The following CARMIL1 variants were observed in gnomAD, a reference collection of about 807,000 sequenced individuals.
CARMIL1 encodes F-actin-uncapping protein LRRC16A.
In CARMIL1, 90 loss-of-function variants were observed where a neutral mutation model predicts 177.1. That is an observed-to-expected ratio of 0.51 (90% CI 0.43 to 0.61). The LOEUF is 0.61. Ranked by LOEUF, CARMIL1 falls within the 20% of genes least tolerant of loss-of-function variation. The probability of loss-of-function intolerance (pLI) is 0.00; values close to 1 mark genes in which losing one functional copy is unlikely to be tolerated. For synonymous variants in CARMIL1, 577 were observed against 606.2 expected (o/e 0.95, Z 0.71); for missense variants, 1,380 against 1,667.0 (o/e 0.83, Z 3.00).
chr6:25,457,177 C>A (rs141766523), intron 8 of CARMIL1, among the ~76,000 whole-genome samples: 26 of 151,950 alleles, frequency 1.7e-4, no homozygotes, highest in African/African-American at 6.0e-4. Flanking sequence ...GGGGATGTGA[C>A]GTTAATAGTA....
intron 26 of CARMIL1, among the ~76,000 whole-genome samples, chr6:25,540,987 C>T (rs950118353): frequency 2.0e-4 from 31 of 152,086 alleles, no homozygotes; most frequent in Non-Finnish European, 1.6e-4. Flanking sequence ...TATTTAATCA[C>T]GGTTGTTTTG....
At chr6:25,619,389 A>C in intron 36 of CARMIL1, 58 bp from the exon 37 acceptor site, 1 of 1,539,480 alleles carries the variant, frequency 6.5e-7, no homozygotes, top group Non-Finnish European at 8.7e-7. Flanking sequence ...GCCCATTATC[A>C]GTCAGGCCAC....
chr6:25,602,149 A>T (rs1487090756), intron 33 of CARMIL1, among the ~76,000 whole-genome samples: 2 of 152,184 alleles, frequency 1.3e-5, no homozygotes, highest in African/African-American at 4.8e-5. Flanking sequence ...TCTCCCACCA[A>T]CATCAACATT....
chr6:25,399,885 C>T (rs1793741033), intron 2 of CARMIL1, among the ~76,000 whole-genome samples: 1 of 152,188 alleles, frequency 6.6e-6, no homozygotes, highest in Non-Finnish European at 1.5e-5. Context: ...GTTAGCTAGG[C>T]TGTGTGCTAA....
At chr6:25,293,241 C>A (rs1414694864) in intron 2 of CARMIL1, among the ~76,000 whole-genome samples, 1 of 137,864 alleles carries the variant, frequency 7.3e-6, no homozygotes, top group African/African-American at 2.7e-5. Context: ...GAAAGAGGGG[C>A]AAAGAGGGGA....
intron 8 of CARMIL1, chr6:25,451,988 C>CCA: frequency 1.5e-5 from 1 of 68,728 alleles, no homozygotes; most frequent in Non-Finnish European, 3.0e-5. Context: ...AGCATCTTGC[C>CCA]CCCCCCTCCC....
chr6:25,324,072 C>T (rs1784886222), intron 2 of CARMIL1, among the ~76,000 whole-genome samples: 2 of 152,202 alleles, frequency 1.3e-5, no homozygotes, highest in Non-Finnish European at 2.9e-5. Flanking sequence ...GAGCCCATGG[C>T]TCAGATAATA....
chr6:25,291,125 A>G (rs2150143499), intron 2 of CARMIL1, among the ~76,000 whole-genome samples: 1 of 152,300 alleles, frequency 6.6e-6, no homozygotes, highest in Admixed American at 6.5e-5. Flanking sequence ...AATCCCTTTA[A>G]CATATTTTTT....
At chr6:25,417,257 A>G (rs1795439365) in intron 2 of CARMIL1, among the ~76,000 whole-genome samples, 2 of 152,228 alleles carry the variant, frequency 1.3e-5, no homozygotes, top group South Asian at 4.2e-4. Context: ...GTGCAAGCCA[A>G]GCGTATCTCT....
At position 25,491,829 on chromosome 6, in the gene CARMIL1, A is replaced by G; in HGVS notation, c.1143+20A>G. The G allele has an allele frequency of 6.4e-7, 1 of 1,552,902 alleles. No individual in the cohort carries two copies. Among genetic ancestry groups the G allele is most frequent in the Non-Finnish European group, 8.8e-7 (1 of 1,138,984 alleles). On this transcript the variant is annotated intron_variant, in intron 14 of 36. Transcript: ENST00000329474. Reference sequence around the variant, plus strand: ...GACATGGTAAATTTAAAATATATATATATCTTGCTCTGAGGGGTCTCAGAA... The same window carrying G: ...GACATGGTAAATTTAAAATATATATGTATCTTGCTCTGAGGGGTCTCAGAA...
chr6:25,460,552 C>T (rs569461669), intron 8 of CARMIL1, among the ~76,000 whole-genome samples: 1 of 152,258 alleles, frequency 6.6e-6, no homozygotes, highest in African/African-American at 2.4e-5. Flanking sequence ...TTACATAAAG[C>T]GTTTGCTGAA....
chr6:25,400,435 C>T (rs558872509), intron 2 of CARMIL1, among the ~76,000 whole-genome samples: 90 of 152,202 alleles, frequency 5.9e-4, no homozygotes, highest in Admixed American at 9.8e-4. Flanking sequence ...ATGAGTTTCC[C>T]AGGGAATCAG....
chr6:25,468,497 T>A lies in CARMIL1; in HGVS notation c.690+2549T>A, dbSNP rs578228053. 2.2e-3 allele frequency among the ~76,000 whole-genome samples: 339 copies of A among 152,380 alleles called. 2 individuals are homozygous for A. The highest frequency in any genetic ancestry group is 0.01 in the Middle Eastern group (3 of 294). Reference sequence around the variant, plus strand: ...TTGTTGTTTACATTCCATTTTTAACTGAGTGCAAGCTCCTGGAGAGCCACT... The same window carrying A: ...TTGTTGTTTACATTCCATTTTTAACAGAGTGCAAGCTCCTGGAGAGCCACT... On this transcript the variant is annotated intron_variant, in intron 9 of 36. Transcript: ENST00000329474.
intron 2 of CARMIL1, among the ~76,000 whole-genome samples, chr6:25,335,752 C>T (rs570706266): frequency 4.8e-4 from 73 of 152,346 alleles, no homozygotes; most frequent in African/African-American, 1.5e-3. Flanking sequence ...GCAGGGTGGG[C>T]GCTAAAGCCT....
At chr6:25,605,981 A>G in intron 34 of CARMIL1, 80 bp from the exon 35 acceptor site, 1 of 878,056 alleles carries the variant, frequency 1.1e-6, no homozygotes, top group Non-Finnish European at 1.8e-6. Context: ...AAATGATTAC[A>G]GCAGTTTGTA....
intron 5 of CARMIL1, among the ~76,000 whole-genome samples, chr6:25,436,904 AG>A (rs1321491259): frequency 6.6e-6 from 1 of 152,120 alleles, no homozygotes; most frequent in Non-Finnish European, 1.5e-5. Context: ...TTCAGGTATG[AG>A]GTGTCTTCAA....
At chr6:25,455,806 A>C (rs1011287798) in intron 8 of CARMIL1, among the ~76,000 whole-genome samples, 1 of 152,194 alleles carries the variant, frequency 6.6e-6, no homozygotes, top group African/African-American at 2.4e-5. Flanking sequence ...TGGGAGAGGC[A>C]CTGATGTTAA....
intron 2 of CARMIL1, among the ~76,000 whole-genome samples, chr6:25,375,161 T>A (rs1790848639): frequency 6.6e-6 from 1 of 152,208 alleles, no homozygotes; most frequent in Non-Finnish European, 1.5e-5. Flanking sequence ...TAATAACTCC[T>A]TTTAGTATTT....
At chr6:25,321,983 C>T (rs1025377409) in intron 2 of CARMIL1, among the ~76,000 whole-genome samples, 1 of 151,854 alleles carries the variant, frequency 6.6e-6, no homozygotes, top group Non-Finnish European at 1.5e-5. Flanking sequence ...TTAAAGAGAC[C>T]AGGTCACGCT....
Sources: allele counts gnomAD v4.1 joint callset (sites outside exome capture counted in the v4.1 genomes callset), GRCh38; gene constraint gnomAD v4.1.1; transcripts MANE v1.5; gene names NCBI Gene and HGNC (gene_info 2026-07-23, HGNC 2026-07-21).